The following SEMA3A variants were observed in gnomAD, a reference collection of about 807,000 sequenced individuals.
SEMA3A encodes the protein semaphorin-3A.
SEMA3A carries 29 observed loss-of-function variants against 97.9 expected under a neutral mutation model. The observed-to-expected ratio is 0.30, with a 90% CI of 0.22 to 0.40. The LOEUF (loss-of-function observed/expected upper bound fraction) is 0.40. Among genes scored for constraint, SEMA3A ranks in the 10% least tolerant of loss-of-function variants. The pLI is 1.00. For synonymous variants in SEMA3A, 321 were observed against 323.7 expected (o/e 0.99, Z 0.09); for missense variants, 763 against 951.3 (o/e 0.80, Z 2.60).
chr7:84,082,062 G>A (rs1322363661), intron 4 of SEMA3A, among the ~76,000 whole-genome samples: 2 of 152,046 alleles, frequency 1.3e-5, no homozygotes, highest in Non-Finnish European at 2.9e-5. Context: ...AGGGAACAAG[G>A]TTAAGGGTGG....
At chr7:84,441,949 A>G (rs1266701984) in intron 1 of SEMA3A, among the ~76,000 whole-genome samples, 1 of 152,198 alleles carries the variant, frequency 6.6e-6, no homozygotes, top group Admixed American at 6.5e-5. Flanking sequence ...CAGATAAACA[A>G]AAGTTGATGG....
chr7:84,229,938 C>T (rs1281124865), intron 3 of SEMA3A, among the ~76,000 whole-genome samples: 1 of 151,944 alleles, frequency 6.6e-6, no homozygotes, highest in Admixed American at 6.6e-5. Flanking sequence ...TACCACCAAC[C>T]TTCTCAGACG....
chr7:84,460,562 T>C (rs917685478), intron 1 of SEMA3A, among the ~76,000 whole-genome samples: 2 of 152,172 alleles, frequency 1.3e-5, no homozygotes, highest in African/African-American at 4.8e-5. Context: ...CTTGATAAAA[T>C]CAAGTTAAAT....
intron 3 of SEMA3A, among the ~76,000 whole-genome samples, chr7:84,126,497 C>T (rs535723660): frequency 7.2e-5 from 11 of 152,110 alleles, no homozygotes; most frequent in South Asian, 2.1e-4. Flanking sequence ...TGGGCTACCG[C>T]GCCCGGATGA....
At chr7:84,430,183 T>A (rs2116316916) in intron 1 of SEMA3A, among the ~76,000 whole-genome samples, 1 of 152,090 alleles carries the variant, frequency 6.6e-6, no homozygotes, top group East Asian at 1.9e-4. Context: ...TTAATAATAA[T>A]ATTCTCTCAG....
chr7:84,265,164 A>G (rs1250842558), intron 3 of SEMA3A, among the ~76,000 whole-genome samples: 1 of 152,202 alleles, frequency 6.6e-6, no homozygotes, highest in Non-Finnish European at 1.5e-5. Context: ...GGCAAAGCTG[A>G]GTATATTATT....
intron 3 of SEMA3A, among the ~76,000 whole-genome samples, chr7:84,223,713 A>G (rs978595588): frequency 7.2e-5 from 11 of 151,872 alleles, no homozygotes; most frequent in African/African-American, 2.4e-4. Context: ...TATGAAACCA[A>G]TATAGGGAAT....
chr7:84,040,807 A>G lies in SEMA3A; in HGVS notation c.667+5517T>C, dbSNP rs562830622. On this transcript the variant is annotated intron_variant, in intron 6 of 16. Transcript: ENST00000265362. ...TAAACTGATGGTGAGACAAGAGAGA[A>G]AAAAATGTAAAAAACAAGAGGAAAA... Among the ~76,000 whole-genome samples the G allele has an allele frequency of 2.0e-5, 3 of 152,204 alleles. No homozygotes were observed. In the South Asian group the frequency reaches 6.2e-4, roughly 32 times the overall value.
chr7:84,222,910 A>G (rs542539030), intron 3 of SEMA3A, among the ~76,000 whole-genome samples: 2 of 152,078 alleles, frequency 1.3e-5, no homozygotes, highest in East Asian at 3.9e-4. Flanking sequence ...GATGTAGAAC[A>G]TAATTATCTG....
At chr7:84,401,168 G>A (rs1214280869) in intron 1 of SEMA3A, among the ~76,000 whole-genome samples, 1 of 152,056 alleles carries the variant, frequency 6.6e-6, no homozygotes, top group Non-Finnish European at 1.5e-5. Flanking sequence ...CAGTAAGATT[G>A]CGTGTTACAA....
At chr7:84,017,021 G>A (rs1043862363) in intron 6 of SEMA3A, among the ~76,000 whole-genome samples, 4 of 152,136 alleles carry the variant, frequency 2.6e-5, no homozygotes, top group Non-Finnish European at 4.4e-5. Flanking sequence ...ACATTCAGTT[G>A]CCTTTTATTA....
rs1007178349 is a variant in SEMA3A at position 83,957,852 on chromosome 7, C to T, written c.*3519G>A. On this transcript the variant is annotated 3_prime_UTR_variant, in exon 17 of 17. Coordinates refer to ENST00000265362, the MANE Select transcript of SEMA3A (RefSeq NM_006080.3). ...TAGACCAGTTTAACATGTTATTACA[C>T]GATACGGGGGTGTTGAATCCTATTT... is the stretch of plus-strand genomic sequence containing the variant. 5 of 151,966 alleles carry T rather than the reference C, an allele frequency of 3.3e-5. No homozygotes were observed. The highest frequency in any genetic ancestry group is 7.2e-5 in the African/African-American group (3 of 41,394). 9.4% of individuals were successfully genotyped at this position (151,966 alleles called of 1,614,324 possible).
At position 84,058,559 on chromosome 7, in the gene SEMA3A, G is replaced by C. The variant is rs180984031; in HGVS notation, c.547+1906C>G. Among the ~76,000 whole-genome samples the C allele has an allele frequency of 7.9e-4, 120 of 152,234 alleles. 1 individual carries two copies. Among genetic ancestry groups the C allele is most frequent in the Non-Finnish European group, 1.5e-3 (105 of 68,004 alleles). ...GCTCTTGAATTAAAATGGCGTTTCAGGTATTTTGAAGGATTTTGCCAGGTA... is the reference window on the plus strand; with the variant it reads ...GCTCTTGAATTAAAATGGCGTTTCACGTATTTTGAAGGATTTTGCCAGGTA... On this transcript the variant is annotated intron_variant, in intron 5 of 16. Coordinates refer to ENST00000265362, the MANE Select transcript of SEMA3A (RefSeq NM_006080.3).
At chr7:83,978,418 C>T (rs904512045) in intron 14 of SEMA3A, among the ~76,000 whole-genome samples, 6 of 152,026 alleles carry the variant, frequency 3.9e-5, no homozygotes, top group African/African-American at 1.5e-4. Context: ...GTAGTCACTG[C>T]GGTGCAACAA....
intron 14 of SEMA3A, among the ~76,000 whole-genome samples, chr7:83,980,611 A>AAAAAAAACAAAACAAAAC (rs1789357184): frequency 2.5e-5 from 2 of 78,854 alleles, no homozygotes; most frequent in African/African-American, 1.1e-4. Context: ...CTCAAAAAAA[A>AAAAAAAACAAAACAAAAC]AAAAAAAAAA....
At chr7:84,483,290 A>T (rs542185315) in intron 1 of SEMA3A, among the ~76,000 whole-genome samples, 70 of 152,294 alleles carry the variant, frequency 4.6e-4, no homozygotes, top group African/African-American at 1.6e-3. Context: ...TGTCAACCAC[A>T]TTACTGGGAA....
At chr7:84,078,340 A>G (rs1794025571) in intron 4 of SEMA3A, among the ~76,000 whole-genome samples, 1 of 152,054 alleles carries the variant, frequency 6.6e-6, no homozygotes, top group Admixed American at 6.6e-5. Context: ...GGGAGAATTT[A>G]ATGTTTCAAT....
At chr7:84,271,065 G>T (rs1480997997) in intron 3 of SEMA3A, among the ~76,000 whole-genome samples, 3 of 152,124 alleles carry the variant, frequency 2.0e-5, no homozygotes, top group Non-Finnish European at 1.5e-5. Context: ...ATTAAATTTT[G>T]TAAGAAATAT....
At chr7:84,352,233 G>T (rs774303103) in intron 2 of SEMA3A, among the ~76,000 whole-genome samples, 1 of 151,954 alleles carries the variant, frequency 6.6e-6, no homozygotes, top group Non-Finnish European at 1.5e-5. Flanking sequence ...AGGCTGGAAA[G>T]GTTAGTGGAA....
Sources: allele counts gnomAD v4.1 joint callset (sites outside exome capture counted in the v4.1 genomes callset), GRCh38; gene constraint gnomAD v4.1.1; transcripts MANE v1.5; gene names NCBI Gene and HGNC (gene_info 2026-07-23, HGNC 2026-07-21).